GLRA1: variants seen among roughly 807,000 people sequenced by gnomAD.
GLRA1 encodes glycine receptor subunit alpha-1.
In GLRA1, 37 loss-of-function variants were observed where a neutral mutation model predicts 48.3. That is an observed-to-expected ratio of 0.77 (90% CI 0.59 to 1.01). The LOEUF (loss-of-function observed/expected upper bound fraction) is 1.01, where lower values mean the gene tolerates loss of function less well. Ranked by LOEUF, GLRA1 falls within the 50% of genes least tolerant of loss-of-function variation. The pLI is 0.00. For synonymous variants in GLRA1, 196 were observed against 210.7 expected (o/e 0.93, Z 0.60); for missense variants, 427 against 571.0 (o/e 0.75, Z 2.57).
chr5:151,894,331 G>C (rs1754177239), intron 1 of GLRA1, among the ~76,000 whole-genome samples: 1 of 152,044 alleles, frequency 6.6e-6, no homozygotes, highest in Non-Finnish European at 1.5e-5. Flanking sequence ...TCACCACCCT[G>C]GCCTCTTCCT....
chr5:151,893,930 G>T (rs1391940094), intron 1 of GLRA1, among the ~76,000 whole-genome samples: 1 of 152,144 alleles, frequency 6.6e-6, no homozygotes, highest in East Asian at 1.9e-4. Context: ...TTGAGGAATT[G>T]CCACACCAAA....
At chr5:151,850,634 GC>G in intron 7 of GLRA1, 1 of 1,455,378 alleles carries the variant, frequency 6.9e-7, no homozygotes, top group Non-Finnish European at 9.6e-7. Flanking sequence ...CAATCGTAGT[GC>G]CAACATACAC....
chr5:151,855,559 C>G (rs1416697690), intron 5 of GLRA1, among the ~76,000 whole-genome samples: 1 of 152,118 alleles, frequency 6.6e-6, no homozygotes, highest in African/African-American at 2.4e-5. Context: ...TAACCACTGG[C>G]TGGGGTAGAC....
At chr5:151,898,581 A>G (rs771801634) in intron 1 of GLRA1, among the ~76,000 whole-genome samples, 69 of 152,046 alleles carry the variant, frequency 4.5e-4, no homozygotes, top group Non-Finnish European at 1.2e-4. Flanking sequence ...CCAGTTTACC[A>G]TGAGCAGAGA....
At chr5:151,916,666 T>C (rs566997559) in intron 1 of GLRA1, among the ~76,000 whole-genome samples, 3 of 152,202 alleles carry the variant, frequency 2.0e-5, no homozygotes, top group Non-Finnish European at 4.4e-5. Context: ...TTAAGTGAGA[T>C]TATCTTTGGA....
At chr5:151,827,038 T>TTTTTTTTTTTTTTTTTTG (rs1763291558) in intron 8 of GLRA1, among the ~76,000 whole-genome samples, 1 of 150,636 alleles carries the variant, frequency 6.6e-6, no homozygotes, top group African/African-American at 2.4e-5. Flanking sequence ...TGTTTTTTTT[T>TTTTTTTTTTTTTTTTTTG]TTTTTTTTGA....
Position 151,874,471 on chromosome 5 carries a change from G to C in GLRA1, c.252+12250C>G, listed in dbSNP as rs1478636367. On this transcript the variant is annotated intron_variant, in intron 3 of 8. Coordinates refer to ENST00000274576, the MANE Select transcript of GLRA1 (RefSeq NM_000171.4). ...ATATGATGTTTATGGCAGGGATTCT[G>C]ACAACAGATGGGGGTGTGCTTAGAG... Among the ~76,000 whole-genome samples the C allele has an allele frequency of 1.3e-5, 2 of 152,106 alleles. 1 individual carries two copies. Among genetic ancestry groups the C allele is most frequent in the Admixed American group, 1.3e-4 (2 of 15,280 alleles).
intron 7 of GLRA1, among the ~76,000 whole-genome samples, chr5:151,833,467 A>ATT (rs1561547880): frequency 6.6e-6 from 1 of 151,812 alleles, no homozygotes; most frequent in African/African-American, 2.4e-5. Flanking sequence ...ATATATATAT[A>ATT]TTTTTCTTTT....
chr5:151,830,327 C>T (rs1763392441), intron 7 of GLRA1, among the ~76,000 whole-genome samples: 1 of 152,178 alleles, frequency 6.6e-6, no homozygotes, highest in African/African-American at 2.4e-5. Flanking sequence ...GGACATTTTT[C>T]AAAAGCAATC....
intron 1 of GLRA1, among the ~76,000 whole-genome samples, chr5:151,920,360 G>A (rs1182844443): frequency 2.6e-5 from 4 of 152,184 alleles, no homozygotes; most frequent in African/African-American, 4.8e-5. Flanking sequence ...AGAGGCAGGA[G>A]TTCTCAAATT....
At chr5:151,848,332 C>G (rs1292323336) in intron 7 of GLRA1, among the ~76,000 whole-genome samples, 1 of 152,188 alleles carries the variant, frequency 6.6e-6, no homozygotes, top group Non-Finnish European at 1.5e-5. Flanking sequence ...ACATGGCACG[C>G]TGAGCCTCTA....
At chr5:151,842,221 A>G (rs926135921) in intron 7 of GLRA1, among the ~76,000 whole-genome samples, 1 of 152,174 alleles carries the variant, frequency 6.6e-6, no homozygotes, top group Non-Finnish European at 1.5e-5. Flanking sequence ...TTATACTCTC[A>G]GAGAAGTGGA....
At chr5:151,880,592 ACTCT>A (rs36081655) in intron 3 of GLRA1, among the ~76,000 whole-genome samples, 89,272 of 150,298 alleles carry the variant, frequency 0.59, 26,418 homozygotes, top group East Asian at 0.69. Flanking sequence ...GTCAACACAC[ACTCT>A]CTCTCTCTCT....
At chr5:151,874,683 A>T (rs1001559921) in intron 3 of GLRA1, among the ~76,000 whole-genome samples, 3 of 152,190 alleles carry the variant, frequency 2.0e-5, no homozygotes, top group African/African-American at 7.2e-5. Context: ...GTGATGTGAT[A>T]GAGAGTAACT....
intron 7 of GLRA1, among the ~76,000 whole-genome samples, chr5:151,830,369 A>G (rs1281889531): frequency 6.6e-6 from 1 of 152,260 alleles, no homozygotes; most frequent in Non-Finnish European, 1.5e-5. Context: ...CAGTTGGGGC[A>G]AAATAATAGG....
intron 7 of GLRA1, among the ~76,000 whole-genome samples, chr5:151,844,313 GC>G (rs1490204514): frequency 6.6e-6 from 1 of 151,472 alleles, no homozygotes; most frequent in Non-Finnish European, 1.5e-5. Context: ...CTTGGATTAG[GC>G]AATAGTTTCT....
intron 7 of GLRA1, among the ~76,000 whole-genome samples, chr5:151,847,139 G>A (rs946659230): frequency 6.6e-6 from 1 of 152,204 alleles, no homozygotes; most frequent in African/African-American, 2.4e-5. Context: ...ATGTTAAGCA[G>A]CATTAATTGG....
intron 4 of GLRA1, among the ~76,000 whole-genome samples, chr5:151,857,497 G>T (rs1753078549): frequency 6.6e-6 from 1 of 152,170 alleles, no homozygotes. Flanking sequence ...CAGCACCCAT[G>T]TGCACCTGCA....
At chr5:151,892,485 C>T in intron 1 of GLRA1, 47 bp from the exon 2 acceptor site, 1 of 1,608,176 alleles carries the variant, frequency 6.2e-7, no homozygotes, top group Non-Finnish European at 8.5e-7. Flanking sequence ...GGCTCTTTCT[C>T]ATGCTGTGAT....
Sources: allele counts gnomAD v4.1 joint callset (sites outside exome capture counted in the v4.1 genomes callset), GRCh38; gene constraint gnomAD v4.1.1; transcripts MANE v1.5; gene names NCBI Gene and HGNC (gene_info 2026-07-23, HGNC 2026-07-21).